Variants in CCNJL observed in about 807,000 individuals in gnomAD.
The protein encoded by CCNJL is cyclin J like, also known as cyclin-J-like protein.
Under a neutral mutation model 33.4 loss-of-function variants are expected in CCNJL, and 33 were observed. The observed-to-expected ratio is 0.99, with a 90% CI of 0.75 to 1.32. The LOEUF is 1.32. Among genes scored for constraint, CCNJL ranks in the 40% most tolerant of loss-of-function variants. The probability of loss-of-function intolerance (pLI) is 0.00; values close to 1 mark genes in which losing one functional copy is unlikely to be tolerated. For missense variants in CCNJL, 512 were observed against 499.7 expected (o/e 1.02, Z -0.23); for synonymous variants, 227 against 220.9 (o/e 1.03, Z -0.24).
intron 1 of CCNJL, among the ~76,000 whole-genome samples, chr5:160,323,937 C>A (rs1341391623): frequency 2.6e-5 from 4 of 152,192 alleles, no homozygotes; most frequent in African/African-American, 9.7e-5. Flanking sequence ...TCAAGCTCAC[C>A]TGCATTCCGA....
chr5:160,305,035 C>T (rs944602396), intron 2 of CCNJL, among the ~76,000 whole-genome samples: 1 of 151,856 alleles, frequency 6.6e-6, no homozygotes, highest in African/African-American at 2.4e-5. Context: ...AGGATGGTCT[C>T]GATCTCTTGA....
intron 2 of CCNJL, among the ~76,000 whole-genome samples, chr5:160,283,027 A>C (rs1390719447): frequency 1.7e-5 from 2 of 115,470 alleles, no homozygotes; most frequent in Admixed American, 9.6e-5. Flanking sequence ...ATATATATAT[A>C]CCTAAGAGAA....
chr5:160,292,978 G>A (rs746984061), intron 2 of CCNJL, among the ~76,000 whole-genome samples: 1 of 152,218 alleles, frequency 6.6e-6, no homozygotes, highest in Non-Finnish European at 1.5e-5. Context: ...GAGAGACTAA[G>A]TAACTTGCTT....
chr5:160,280,999 C>T (rs538098351), intron 2 of CCNJL: 1 of 560,320 alleles, frequency 1.8e-6, no homozygotes, highest in Non-Finnish European at 3.2e-6. Context: ...GAAAGGTTTG[C>T]TATTTGAGAT....
chr5:160,319,817 A>G (rs2113470766), intron 1 of CCNJL, among the ~76,000 whole-genome samples: 1 of 152,196 alleles, frequency 6.6e-6, no homozygotes, highest in Non-Finnish European at 1.5e-5. Context: ...CAAGCCTGTT[A>G]GTGCCAGCTA....
intron 5 of CCNJL, 105 bp from the exon 6 acceptor site, chr5:160,253,903 C>A: frequency 1.2e-6 from 1 of 825,868 alleles, no homozygotes; most frequent in Non-Finnish European, 1.8e-6. Flanking sequence ...ATGCGTGTGT[C>A]CTGTGTCCAC....
intron 1 of CCNJL, among the ~76,000 whole-genome samples, chr5:160,330,125 A>G (rs193270380): frequency 5.3e-5 from 8 of 152,050 alleles, no homozygotes; most frequent in Non-Finnish European, 8.8e-5. Context: ...ATTGTCCCCA[A>G]TTCTGACCCT....
At chr5:160,329,507 C>T (rs1272309821) in intron 1 of CCNJL, among the ~76,000 whole-genome samples, 1 of 152,016 alleles carries the variant, frequency 6.6e-6, no homozygotes, top group Non-Finnish European at 1.5e-5. Context: ...CCCACCACCA[C>T]GCCGGCTAAT....
chr5:160,337,003 C>CTTT lies in CCNJL; in HGVS notation n.206+2439_206+2441dup, dbSNP rs35461944. Among the ~76,000 whole-genome samples the CTTT allele has an allele frequency of 4.4e-3, 421 of 95,046 alleles. 11 individuals carry two copies. The highest frequency in any genetic ancestry group is 0.014 in the African/African-American group (356 of 25,592). The allele number at this position is 95,046 out of a possible 152,430, so 62.4% of individuals were successfully genotyped here. A position where few individuals can be genotyped will look rare whatever the true frequency, so the allele number is the denominator to read the frequency against. On this transcript the variant is annotated intron_variant and non_coding_transcript_variant, in intron 1 of 7. Transcript: ENST00000377503. ...CTTCCTTCCTTCTTTCTTTTTCTTT[C>CTTT]TTTTTTTTTTTTTTTTTTTTGACAG... is the stretch of plus-strand genomic sequence containing the variant.
intron 1 of CCNJL, among the ~76,000 whole-genome samples, chr5:160,334,984 C>T (rs963916484): frequency 6.6e-6 from 1 of 152,196 alleles, no homozygotes; most frequent in Non-Finnish European, 1.5e-5. Context: ...ACATTTTGGC[C>T]GGGCACAGTG....
rs139227611 is a variant in CCNJL at position 160,257,113 on chromosome 5, G to C, written c.584-1405C>G. Among the ~76,000 whole-genome samples the C allele has an allele frequency of 6.7e-4, 102 of 152,138 alleles. 1 individual carries two copies. Among genetic ancestry groups the C allele is most frequent in the Middle Eastern group, 3.4e-3 (1 of 294 alleles). ...TCCTAGCAATGAGCAGGGCATGGTAGCTCTCACTTGTAATCCCAGGAGTTT... is the reference window on the plus strand; with the variant it reads ...TCCTAGCAATGAGCAGGGCATGGTACCTCTCACTTGTAATCCCAGGAGTTT... On this transcript the variant is annotated intron_variant, in intron 4 of 5. Coordinates refer to ENST00000257536, the MANE Select transcript of CCNJL (RefSeq NM_001308173.3).
At chr5:160,281,561 A>C (rs761936737) in intron 2 of CCNJL, among the ~76,000 whole-genome samples, 5 of 152,228 alleles carry the variant, frequency 3.3e-5, no homozygotes, top group African/African-American at 9.6e-5. Context: ...TCAAACCAAC[A>C]AAGTTTTTTA....
chr5:160,313,005 G>C (rs1337564645), upstream of CCNJL: 7 of 151,792 alleles, frequency 4.6e-5, no homozygotes, highest in Admixed American at 2.0e-4. Context: ...GCCATGGGGA[G>C]GTAGATTTCC....
At chr5:160,294,997 A>T (rs1463226417) in intron 2 of CCNJL, 1 of 152,266 alleles carries the variant, frequency 6.6e-6, no homozygotes, top group Non-Finnish European at 1.5e-5. Context: ...CAGTAGGGTG[A>T]CTGCACCACT....
Position 160,255,506 on chromosome 5 carries a change from A to G in CCNJL, c.743+43T>C, listed in dbSNP as rs770111902. The G allele has an allele frequency of 3.8e-6, 6 of 1,596,098 alleles. No homozygotes were observed. In the East Asian group the frequency reaches 1.3e-4, roughly 36 times the overall value. On this transcript the variant is annotated intron_variant, in intron 5 of 5. Transcript: ENST00000257536. ...TGAGGCAGGCCTCAAGGCAAGAGGA[A>G]CCTCACTATTTCAGAAACACAGGAT...
intron 1 of CCNJL, among the ~76,000 whole-genome samples, chr5:160,337,066 C>T (rs1219123003): frequency 7.0e-6 from 1 of 143,198 alleles, no homozygotes; most frequent in Non-Finnish European, 1.5e-5. Context: ...AGCAGTGGCA[C>T]GATCATGGAC....
intron 1 of CCNJL, among the ~76,000 whole-genome samples, chr5:160,333,118 C>T (rs1763630670): frequency 6.6e-6 from 1 of 151,352 alleles, no homozygotes; most frequent in African/African-American, 2.4e-5. Flanking sequence ...TACCCAGTCT[C>T]TACAAATTTT....
At chr5:160,294,514 C>A (rs938367882) in intron 2 of CCNJL, among the ~76,000 whole-genome samples, 18 of 152,322 alleles carry the variant, frequency 1.2e-4, no homozygotes, top group African/African-American at 4.1e-4. Flanking sequence ...CCCTTCTGGG[C>A]AAACTCTGTA....
At chr5:160,313,097 C>G (rs1027962291), upstream of CCNJL, among the ~76,000 whole-genome samples, 6 of 152,222 alleles carry the variant, frequency 3.9e-5, no homozygotes, top group African/African-American at 9.6e-5. Context: ...GCCTAAGTCA[C>G]TGGTATTATT....
Sources: allele counts gnomAD v4.1 joint callset (sites outside exome capture counted in the v4.1 genomes callset), GRCh38; gene constraint gnomAD v4.1.1; transcripts MANE v1.5; gene names NCBI Gene and HGNC (gene_info 2026-07-23, HGNC 2026-07-21).